MTUS2: variants seen among roughly 807,000 people sequenced by gnomAD.
MTUS2 encodes microtubule-associated tumor suppressor candidate 2.
In MTUS2, 40 loss-of-function variants were observed where a neutral mutation model predicts 114.1. That is an observed-to-expected ratio of 0.35 (90% CI 0.27 to 0.46). MTUS2 has a LOEUF of 0.46. Among genes scored for constraint, MTUS2 ranks in the 20% least tolerant of loss-of-function variants. The pLI is 1.00. For synonymous variants in MTUS2, 688 were observed against 672.0 expected, an observed-to-expected ratio of 1.02 and a Z score of -0.37; for missense variants, 1,679 against 1,705.4, an observed-to-expected ratio of 0.98 and a Z score of 0.27.
intron 7 of MTUS2, among the ~76,000 whole-genome samples, chr13:29,351,337 C>G (rs549782779): frequency 6.6e-6 from 1 of 152,094 alleles, no homozygotes; most frequent in African/African-American, 2.4e-5. Flanking sequence ...TTTCTCTCCC[C>G]TCCTGGGCTG....
chr13:29,014,009 A>AC (rs767463081), intron 2 of MTUS2, among the ~76,000 whole-genome samples: 1 of 152,088 alleles, frequency 6.6e-6, no homozygotes, highest in East Asian at 1.9e-4. Flanking sequence ...AAGGATTAGG[A>AC]CCCTTCTCTT....
intron 2 of MTUS2, among the ~76,000 whole-genome samples, chr13:28,841,884 G>A (rs2015401): frequency 0.81 from 123,519 of 152,064 alleles, 50,651 homozygotes; most frequent in African/African-American, 0.85. Flanking sequence ...ACGAGGTTTC[G>A]CCATGTTGGC....
intron 7 of MTUS2, among the ~76,000 whole-genome samples, chr13:29,325,598 G>GAAC (rs1900475763): frequency 6.6e-6 from 1 of 151,680 alleles, no homozygotes; most frequent in African/African-American, 2.4e-5. Context: ...AGAAGAAGAA[G>GAAC]AAGAAATCCT....
At chr13:29,122,440 CA>C (rs1485851971) in intron 5 of MTUS2, among the ~76,000 whole-genome samples, 1 of 152,118 alleles carries the variant, frequency 6.6e-6, no homozygotes, top group Non-Finnish European at 1.5e-5. Context: ...AAGTGCCAAG[CA>C]AAGGGGGAAA....
intron 2 of MTUS2, among the ~76,000 whole-genome samples, chr13:28,950,034 A>G (rs533871033): frequency 8.5e-5 from 13 of 152,282 alleles, no homozygotes; most frequent in Non-Finnish European, 1.3e-4. Context: ...CTGCTGTACT[A>G]TTTTCCACAA....
At chr13:28,886,964 AGT>A (rs1277764218) in intron 2 of MTUS2, among the ~76,000 whole-genome samples, 1 of 152,186 alleles carries the variant, frequency 6.6e-6, no homozygotes, top group Non-Finnish European at 1.5e-5. Flanking sequence ...CTAGGAGGCC[AGT>A]GTCTCTGGAG....
At chr13:29,146,023 T>C (rs893761628) in intron 5 of MTUS2, among the ~76,000 whole-genome samples, 10 of 152,260 alleles carry the variant, frequency 6.6e-5, no homozygotes, top group Non-Finnish European at 1.5e-5. Flanking sequence ...TTTTTGCTTC[T>C]GTATTTGTTG....
At chr13:28,887,556 A>G (rs1384842911) in intron 2 of MTUS2, among the ~76,000 whole-genome samples, 2 of 152,158 alleles carry the variant, frequency 1.3e-5, no homozygotes, top group East Asian at 3.9e-4. Context: ...AACTACAGAG[A>G]ACTTAAATAA....
chr13:29,243,410 A>G (rs572238358), intron 5 of MTUS2, among the ~76,000 whole-genome samples: 1 of 152,334 alleles, frequency 6.6e-6, no homozygotes, highest in East Asian at 1.9e-4. Context: ...AGACCCAGGA[A>G]GATGACACCA....
intron 6 of MTUS2, chr13:29,307,822 G>C: frequency 1.3e-6 from 1 of 777,458 alleles, no homozygotes; most frequent in Non-Finnish European, 2.2e-6. Flanking sequence ...GAGCACAAGA[G>C]GAAGAGAGAG....
rs753745137 is a variant in MTUS2 at position 29,359,354 on chromosome 13, C to T, written c.2998C>T (p.Arg1000Trp). 4.3e-6 allele frequency: 7 copies of T among 1,612,118 alleles called. No individual in the cohort carries two copies. The highest frequency in any genetic ancestry group is 2.2e-5 in the East Asian group (1 of 44,816). The change falls in exon 8 of 16, where the codon CGG becomes TGG. Residue 1000 changes from arginine (R) to tryptophan (W), a missense_variant. This residue lies in a region of MTUS2 where 822 missense variants were observed against 899.7 expected (regional missense o/e 0.91). Transcript: ENST00000612955. ...TGAGGCTGAGCGGCAGCTGGTGCTG[C>T]GGCTGAAGGAGCGGTGTGAGCAGCA... ...AREAERQLVLRLKERCEQQTR... is the reference protein window; with the variant it reads ...AREAERQLVLWLKERCEQQTR...
At chr13:29,130,882 C>T (rs140559228) in intron 5 of MTUS2, among the ~76,000 whole-genome samples, 1 of 152,302 alleles carries the variant, frequency 6.6e-6, no homozygotes, top group Admixed American at 6.5e-5. Context: ...CCTCAGCCCC[C>T]CAAAGTACTG....
intron 5 of MTUS2, among the ~76,000 whole-genome samples, chr13:29,127,793 C>T (rs1891584281): frequency 6.6e-6 from 1 of 152,236 alleles, no homozygotes; most frequent in Admixed American, 6.5e-5. Context: ...CACATTTCTC[C>T]ATGTGCTTGT....
At chr13:28,964,754 A>G in intron 2 of MTUS2, among the ~76,000 whole-genome samples, 1 of 58,670 alleles carries the variant, frequency 1.7e-5, no homozygotes, top group Non-Finnish European at 4.2e-5. Flanking sequence ...TTGTGTTTTT[A>G]ATGCCTGGGT....
chr13:29,499,264 C>T (rs1437422235), intron 14 of MTUS2, among the ~76,000 whole-genome samples: 1 of 152,144 alleles, frequency 6.6e-6, no homozygotes, highest in Non-Finnish European at 1.5e-5. Flanking sequence ...CCCTAGGGGG[C>T]ACAGAACACC....
chr13:29,497,223 T>G lies in MTUS2; in HGVS notation c.3580-15T>G. ...GTAGTGGCCCCAGCTGGACTCCTTG[T>G]ATCATTACTTGCAGGACCAGGTGGA... On this transcript the variant is annotated splice_polypyrimidine_tract_variant and intron_variant, in intron 12 of 15. Coordinates refer to ENST00000612955, the MANE Select transcript of MTUS2 (RefSeq NM_001033602.4). 1 of 1,610,346 alleles carries G rather than the reference T, an allele frequency of 6.2e-7. No individual in the cohort carries two copies. Among genetic ancestry groups the G allele is most frequent in the Non-Finnish European group, 8.5e-7 (1 of 1,178,284 alleles).
intron 1 of MTUS2, among the ~76,000 whole-genome samples, chr13:28,832,836 C>T (rs1353436882): frequency 6.6e-6 from 1 of 151,166 alleles, no homozygotes; most frequent in Non-Finnish European, 1.5e-5. Flanking sequence ...AAATCTTTAC[C>T]TAACTGACTA....
chr13:29,064,729 G>A (rs888622467), intron 4 of MTUS2, among the ~76,000 whole-genome samples: 8 of 152,030 alleles, frequency 5.3e-5, no homozygotes, highest in Middle Eastern at 3.2e-3. Context: ...TGTCACCCAG[G>A]TACTAAGCCT....
chr13:29,223,532 A>G (rs944287036), intron 5 of MTUS2, among the ~76,000 whole-genome samples: 10 of 152,186 alleles, frequency 6.6e-5, no homozygotes, highest in Admixed American at 1.3e-4. Context: ...ACCTGTCTGC[A>G]GAGAGTAGCT....
Sources: gnomAD v4.1 joint callset for allele counts (sites outside exome capture counted in the v4.1 genomes callset) on GRCh38, gnomAD v4.1.1 for gene constraint, gnomAD v4.1.1 regional missense constraint, MANE v1.5 for transcripts, NCBI Gene and HGNC (gene_info 2026-07-23, HGNC 2026-07-21) for gene names.